Variants in ROBO1 observed in about 807,000 individuals in gnomAD.
ROBO1 encodes the protein roundabout guidance receptor 1.
Under a neutral mutation model 195.9 loss-of-function variants are expected in ROBO1, and 149 were observed. That is an observed-to-expected ratio of 0.76 (90% CI 0.67 to 0.87). The LOEUF is 0.87. Among genes scored for constraint, ROBO1 ranks in the 40% least tolerant of loss-of-function variants. The pLI, the probability that ROBO1 is intolerant of heterozygous loss-of-function variation, is 0.00. For missense variants in ROBO1, 1,933 were observed against 2,068.3 expected, an observed-to-expected ratio of 0.93 and a Z score of 1.27; for synonymous variants, 816 against 733.2, an observed-to-expected ratio of 1.11 and a Z score of -1.82.
At chr3:78,910,558 G>T (rs937847070) in intron 4 of ROBO1, among the ~76,000 whole-genome samples, 57 of 151,756 alleles carry the variant, frequency 3.8e-4, no homozygotes, top group Non-Finnish European at 2.2e-4. Flanking sequence ...CAAATATTAG[G>T]GCAATCTTGT....
intron 8 of ROBO1, among the ~76,000 whole-genome samples, chr3:78,696,756 A>ATATACACG (rs2081307062): frequency 6.7e-6 from 1 of 148,748 alleles, no homozygotes; most frequent in Admixed American, 6.8e-5. Context: ...ATACACATAT[A>ATATACACG]TATATATAAA....
chr3:79,240,628 A>G (rs977895818), intron 2 of ROBO1, among the ~76,000 whole-genome samples: 2 of 151,980 alleles, frequency 1.3e-5, no homozygotes, highest in African/African-American at 4.8e-5. Context: ...ACTTACACAG[A>G]TATAACATTA....
At chr3:78,697,043 CAG>C (rs1269848824) in intron 8 of ROBO1, among the ~76,000 whole-genome samples, 2 of 119,946 alleles carry the variant, frequency 1.7e-5, no homozygotes, top group African/African-American at 3.2e-5. Flanking sequence ...CTGTCACACA[CAG>C]ACACACACAC....
intron 3 of ROBO1, among the ~76,000 whole-genome samples, chr3:78,967,326 C>G (rs1249758185): frequency 6.7e-6 from 1 of 149,426 alleles, no homozygotes; most frequent in East Asian, 2.0e-4. Flanking sequence ...CCCACCTCCC[C>G]ACCCCCACCC....
intron 2 of ROBO1, among the ~76,000 whole-genome samples, chr3:79,511,653 C>G (rs1406516538): frequency 6.6e-6 from 1 of 151,968 alleles, no homozygotes; most frequent in African/African-American, 2.4e-5. Flanking sequence ...GTGTCAGAAG[C>G]TAGAAGGAAA....
chr3:79,171,033 T>C (rs1284246271), intron 2 of ROBO1, among the ~76,000 whole-genome samples: 1 of 151,822 alleles, frequency 6.6e-6, no homozygotes, highest in Non-Finnish European at 1.5e-5. Context: ...GAGTTAGTTC[T>C]TAAATTCGTT....
chr3:78,665,020 G>C (rs1259128780), intron 14 of ROBO1, among the ~76,000 whole-genome samples: 1 of 152,086 alleles, frequency 6.6e-6, no homozygotes, highest in Non-Finnish European at 1.5e-5. Flanking sequence ...AAATGTTAAG[G>C]AAAAGATGTC....
intron 2 of ROBO1, among the ~76,000 whole-genome samples, chr3:79,254,700 T>G (rs1212136818): frequency 6.6e-6 from 1 of 152,148 alleles, no homozygotes; most frequent in Non-Finnish European, 1.5e-5. Context: ...AAATACCAGC[T>G]CTCCTGTTAG....
chr3:79,402,965 C>CT, intron 2 of ROBO1, among the ~76,000 whole-genome samples: 1 of 151,862 alleles, frequency 6.6e-6, no homozygotes, highest in Admixed American at 6.6e-5. Context: ...TCCCCACAAA[C>CT]TTTTTTCAGT....
At chr3:79,648,139 A>C (rs1278529280) in intron 1 of ROBO1, among the ~76,000 whole-genome samples, 1 of 152,100 alleles carries the variant, frequency 6.6e-6, no homozygotes, top group Non-Finnish European at 1.5e-5. Flanking sequence ...TAAGGTCAGG[A>C]ACTTTTCCGG....
intron 2 of ROBO1, among the ~76,000 whole-genome samples, chr3:79,405,383 C>A (rs146883866): frequency 8.9e-4 from 136 of 152,260 alleles, no homozygotes; most frequent in Middle Eastern, 3.4e-3. Flanking sequence ...ACATGCAGTT[C>A]TGCTCCTGTA....
chr3:78,702,752 A>C (rs1170093420), intron 8 of ROBO1, among the ~76,000 whole-genome samples: 2 of 152,176 alleles, frequency 1.3e-5, no homozygotes, highest in Admixed American at 1.3e-4. Flanking sequence ...ATACATCTAT[A>C]TAATTGGGCA....
At chr3:78,898,080 T>C (rs1459236049) in intron 4 of ROBO1, among the ~76,000 whole-genome samples, 4 of 150,930 alleles carry the variant, frequency 2.7e-5, no homozygotes, top group African/African-American at 9.7e-5. Flanking sequence ...TCTGATGTTT[T>C]AGGACTTCCA....
chr3:78,916,245 C>CAAA lies in ROBO1; in HGVS notation c.499+22353_499+22355dup, dbSNP rs34944563. On this transcript the variant is annotated intron_variant, in intron 4 of 30. Coordinates refer to ENST00000464233, the MANE Select transcript of ROBO1 (RefSeq NM_002941.4). The stretch of plus-strand genomic sequence containing the variant: ...AGCCTGGGCGACAGCGAGACTCCGT[C>CAAA]AAAAAAAAAAAAAAAAACAACTTTA... Among the ~76,000 whole-genome samples the CAAA allele has an allele frequency of 6.2e-3, 574 of 91,914 alleles. 5 individuals carry two copies. The highest frequency in any genetic ancestry group is 0.021 in the African/African-American group (496 of 23,922). The allele number at this position is 91,914 out of a possible 152,430, so 60.3% of individuals were successfully genotyped here. A position where few individuals can be genotyped will look rare whatever the true frequency, so the allele number is the denominator to read the frequency against.
chr3:78,912,356 C>T (rs923540081), intron 4 of ROBO1, among the ~76,000 whole-genome samples: 2 of 151,994 alleles, frequency 1.3e-5, no homozygotes, highest in African/African-American at 2.4e-5. Flanking sequence ...AAGATGGCTT[C>T]GGCTTACAGA....
intron 4 of ROBO1, among the ~76,000 whole-genome samples, chr3:78,914,723 T>C (rs1236446307): frequency 6.8e-6 from 1 of 146,858 alleles, no homozygotes; most frequent in African/African-American, 2.4e-5. Context: ...TTATTTATAA[T>C]TTTATATATT....
At chr3:78,825,510 T>C (rs748119095) in intron 4 of ROBO1, among the ~76,000 whole-genome samples, 4 of 152,150 alleles carry the variant, frequency 2.6e-5, no homozygotes, top group Non-Finnish European at 5.9e-5. Context: ...ATGGTGCTCA[T>C]AAAGACAGGC....
At chr3:79,400,631 T>C (rs1414722361) in intron 2 of ROBO1, among the ~76,000 whole-genome samples, 1 of 152,096 alleles carries the variant, frequency 6.6e-6, no homozygotes, top group African/African-American at 2.4e-5. Flanking sequence ...ATGTGATATG[T>C]CATTTATACA....
chr3:78,684,460 C>T (rs1247898905), intron 10 of ROBO1, among the ~76,000 whole-genome samples: 2 of 152,006 alleles, frequency 1.3e-5, no homozygotes, highest in Non-Finnish European at 2.9e-5. Flanking sequence ...GGAGTGGTCA[C>T]GACATGAATA....
Sources: allele counts gnomAD v4.1 joint callset (sites outside exome capture counted in the v4.1 genomes callset), GRCh38; gene constraint gnomAD v4.1.1; transcripts MANE v1.5; gene names NCBI Gene and HGNC (gene_info 2026-07-23, HGNC 2026-07-21).